BABAM2: variants seen among roughly 807,000 people sequenced by gnomAD.
The protein encoded by BABAM2 is BRISC and BRCA1-A complex member 2.
In BABAM2, 31 loss-of-function variants were observed where a neutral mutation model predicts 54.7. That is an observed-to-expected ratio of 0.57 (90% CI 0.43 to 0.77). BABAM2 has a LOEUF of 0.77. Ranked by LOEUF, BABAM2 falls within the 30% of genes least tolerant of loss-of-function variation. The probability of loss-of-function intolerance (pLI) is 0.00; values close to 1 mark genes in which losing one functional copy is unlikely to be tolerated. For synonymous variants in BABAM2, 167 were observed against 162.9 expected, an observed-to-expected ratio of 1.03 and a Z score of -0.19; for missense variants, 364 against 455.8, an observed-to-expected ratio of 0.80 and a Z score of 1.83.
chr2:28,241,499 TA>T, intron 9 of BABAM2, 106 bp downstream of exon 9: 1 of 1,062,600 alleles, frequency 9.4e-7, no homozygotes, highest in Admixed American at 2.1e-5. Flanking sequence ...TTACACATGA[TA>T]CCTTTTTTTT....
At chr2:28,305,975 C>T (rs1688483839) in intron 11 of BABAM2, among the ~76,000 whole-genome samples, 1 of 151,798 alleles carries the variant, frequency 6.6e-6, no homozygotes, top group African/African-American at 2.4e-5. Flanking sequence ...CTTGTGATTT[C>T]TTCTTGAACC....
chr2:28,259,161 C>G (rs1382849850), intron 10 of BABAM2, among the ~76,000 whole-genome samples: 1 of 125,566 alleles, frequency 8.0e-6, no homozygotes, highest in Non-Finnish European at 1.6e-5. Context: ...GATCTGGGCT[C>G]ACAGCAATCT....
In BABAM2 at chr2:28,026,761, C is replaced by A. The variant is rs375456341; in HGVS notation, c.495+1341C>A. Among the ~76,000 whole-genome samples the A allele has an allele frequency of 7.1e-5, 7 of 99,270 alleles. No individual in the cohort carries two copies. The South Asian group carries it at 7.8e-4, about 11-fold the overall frequency. 65.1% of individuals were successfully genotyped at this position (99,270 alleles called of 152,430 possible). A position where few individuals can be genotyped will look rare whatever the true frequency, so the allele number is the denominator to read the frequency against. On this transcript the variant is annotated intron_variant, in intron 5 of 11. Transcript: ENST00000379624. Reference sequence around the variant, plus strand: ...TATATATTTATATATAAATATATATCTATATAAATATATAAAAAAATATAA... The same window carrying A: ...TATATATTTATATATAAATATATATATATATAAATATATAAAAAAATATAA...
intron 7 of BABAM2, among the ~76,000 whole-genome samples, chr2:28,154,521 A>G (rs889527258): frequency 6.6e-6 from 1 of 152,206 alleles, no homozygotes; most frequent in Admixed American, 6.5e-5. Flanking sequence ...AATGCCTTTA[A>G]TAAGTAGAGG....
intron 7 of BABAM2, among the ~76,000 whole-genome samples, chr2:28,154,772 A>C (rs2147790257): frequency 6.6e-6 from 1 of 152,320 alleles, no homozygotes; most frequent in Non-Finnish European, 1.5e-5. Context: ...AGAATAGAAA[A>C]GGTTAAATAA....
intron 6 of BABAM2, among the ~76,000 whole-genome samples, chr2:28,060,582 C>T (rs1424533222): frequency 6.6e-6 from 1 of 151,968 alleles, no homozygotes; most frequent in East Asian, 1.9e-4. Flanking sequence ...TTGACTATGT[C>T]AAAAAGCCTA....
intron 7 of BABAM2, among the ~76,000 whole-genome samples, chr2:28,135,129 A>T (rs771713008): frequency 3.9e-5 from 6 of 152,212 alleles, no homozygotes; most frequent in Admixed American, 3.9e-4. Flanking sequence ...ATTAAGTGCT[A>T]TAAGAGTTCA....
At chr2:28,229,845 C>G (rs879683682) in intron 7 of BABAM2, among the ~76,000 whole-genome samples, 3 of 152,166 alleles carry the variant, frequency 2.0e-5, no homozygotes, top group Non-Finnish European at 2.9e-5. Context: ...CCTTGGCCTC[C>G]CAAAGTGCTG....
chr2:28,221,112 CT>C (rs1305669852), intron 7 of BABAM2, among the ~76,000 whole-genome samples: 87 of 94,886 alleles, frequency 9.2e-4, no homozygotes, highest in African/African-American at 4.1e-3. Context: ...CCCTTTTTTC[CT>C]CTCTCTCTCT....
intron 7 of BABAM2, among the ~76,000 whole-genome samples, chr2:28,184,305 T>A (rs867737056): frequency 0.012 from 1,526 of 127,256 alleles, 15 homozygotes; most frequent in African/African-American, 0.041. Flanking sequence ...CCTCTCTCCC[T>A]CTCTCTCTCT....
At chr2:28,018,781 G>C (rs1019914818) in intron 4 of BABAM2, among the ~76,000 whole-genome samples, 1 of 152,082 alleles carries the variant, frequency 6.6e-6, no homozygotes, top group South Asian at 2.1e-4. Flanking sequence ...CCAAATGCTT[G>C]TTGGCCATTT....
At chr2:28,020,455 A>C (rs1052233766) in intron 4 of BABAM2, among the ~76,000 whole-genome samples, 1 of 152,178 alleles carries the variant, frequency 6.6e-6, no homozygotes, top group African/African-American at 2.4e-5. Flanking sequence ...GAAGCAAAAA[A>C]CTTTTTTAAA....
intron 7 of BABAM2, among the ~76,000 whole-genome samples, chr2:28,178,550 GA>G (rs1675265572): frequency 6.6e-6 from 1 of 151,772 alleles, no homozygotes; most frequent in Non-Finnish European, 1.5e-5. Context: ...TCAAAAAGTA[GA>G]AAGATTTCAA....
At chr2:28,225,726 G>A (rs1473604455) in intron 7 of BABAM2, among the ~76,000 whole-genome samples, 1 of 151,480 alleles carries the variant, frequency 6.6e-6, no homozygotes, top group African/African-American at 2.4e-5. Context: ...AATCTAGTAT[G>A]GTTGTGAGAA....
At chr2:28,222,005 A>C (rs1680463633) in intron 7 of BABAM2, among the ~76,000 whole-genome samples, 1 of 152,198 alleles carries the variant, frequency 6.6e-6, no homozygotes, top group Admixed American at 6.5e-5. Context: ...TTAGCCCCAG[A>C]CTGTATTGAG....
chr2:28,254,206 C>T (rs569900856), intron 10 of BABAM2, among the ~76,000 whole-genome samples: 1 of 152,250 alleles, frequency 6.6e-6, no homozygotes, highest in South Asian at 2.1e-4. Flanking sequence ...TTGTTGATCT[C>T]GGCTCATTCC....
At chr2:28,138,026 T>A (rs1384065241) in intron 7 of BABAM2, among the ~76,000 whole-genome samples, 1 of 152,224 alleles carries the variant, frequency 6.6e-6, no homozygotes, top group African/African-American at 2.4e-5. Context: ...GAGAAATTCA[T>A]GATTTCCAGT....
intron 4 of BABAM2, chr2:28,016,011 CT>C: frequency 1.6e-6 from 1 of 616,762 alleles, no homozygotes; most frequent in African/African-American, 1.9e-5. Context: ...ACTTCTTTTT[CT>C]TTTTTAAATT....
chr2:28,316,103 G>T (rs573557669), intron 11 of BABAM2, among the ~76,000 whole-genome samples: 44 of 152,266 alleles, frequency 2.9e-4, no homozygotes, highest in African/African-American at 9.6e-4. Context: ...AAATAATTTA[G>T]TGTAAGTATG....
Sources: gnomAD v4.1 joint callset for allele counts (sites outside exome capture counted in the v4.1 genomes callset) on GRCh38, gnomAD v4.1.1 for gene constraint, MANE v1.5 for transcripts, NCBI Gene and HGNC (gene_info 2026-07-23, HGNC 2026-07-21) for gene names.